ITM2A: variants seen among roughly 807,000 people sequenced by gnomAD.
ITM2A encodes BRICHOS domain containing 2A.
In ITM2A, 11 loss-of-function variants were observed where a neutral mutation model predicts 16.6. The ratio of observed to expected loss-of-function variants is 0.66; its 90% CI spans 0.42 to 1.10. ITM2A has a LOEUF of 1.10. Among genes scored for constraint, ITM2A ranks in the 50% least tolerant of loss-of-function variants. The pLI is 0.00. For missense variants in ITM2A, 243 were observed against 206.8 expected, an observed-to-expected ratio of 1.17 and a Z score of -1.07; for synonymous variants, 102 against 71.2, an observed-to-expected ratio of 1.43 and a Z score of -2.18.
At chrX:79,363,192 T>C (rs919029738) in intron 2 of ITM2A, 53 bp from the exon 3 acceptor site, 1 of 989,386 alleles carries the variant, frequency 1.0e-6, no homozygotes, top group Non-Finnish European at 1.4e-6. Context: ...TATCATGATA[T>C]TTGAATGGCT....
intron 4 of ITM2A, among the ~76,000 whole-genome samples, chrX:79,361,862 AT>A (rs77763322): frequency 0.12 from 11,033 of 91,220 alleles, 543 homozygotes; most frequent in South Asian, 0.27. Flanking sequence ...TTTTTTTGTG[AT>A]TTTTTTTTTT....
chrX:79,360,847 A>G lies in ITM2A; in HGVS notation c.*242T>C. ...TGCTGCTTTCAGAAATCTAAACCCT[A>G]TAAATTCAAAGAAAAAATGAAACTC... On this transcript the variant is annotated 3_prime_UTR_variant, in exon 6 of 6. Transcript: ENST00000373298. 1 of 229,697 alleles carries G rather than the reference A, an allele frequency of 4.4e-6. No individual in the cohort carries two copies. The highest frequency in any genetic ancestry group is 7.8e-6 in the Non-Finnish European group (1 of 128,803). The allele number at this position is 229,697 out of a possible 1,213,427, so 18.9% of individuals were successfully genotyped here.
chrX:79,363,095 A>G lies in ITM2A; in HGVS notation c.288T>C (p.Asp96=). 2 of 1,209,858 alleles carry G rather than the reference A, an allele frequency of 1.7e-6. No homozygotes were observed. Among genetic ancestry groups the G allele is most frequent in the Non-Finnish European group, 2.2e-6 (2 of 894,449 alleles). The change falls in exon 3 of 6, where the codon GAT becomes GAC. Residue 96 remains aspartate, a synonymous_variant. Coordinates refer to ENST00000373298, the MANE Select transcript of ITM2A (RefSeq NM_004867.5). ...CTCCTCCACGAAGGGAATTTGCAGGATCCTCAGAATCAAAAAAGCACATCT... is the reference window on the plus strand; with the variant it reads ...CTCCTCCACGAAGGGAATTTGCAGGGTCCTCAGAATCAAAAAAGCACATCT... ...RGEMCFFDSE[D]PANSLRGGEP... is the part of the protein sequence containing the mutation.
rs1460394309 is a variant in ITM2A at position 79,360,943 on chromosome X, G to C, written c.*146C>G. The C allele has an allele frequency of 1.2e-5, 3 of 255,116 alleles. No individual in the cohort carries two copies. The Admixed American group carries it at 2.8e-4, about 23-fold the overall frequency. 21.0% of individuals were successfully genotyped at this position (255,116 alleles called of 1,213,427 possible). On this transcript the variant is annotated 3_prime_UTR_variant, in exon 6 of 6. Coordinates refer to ENST00000373298, the MANE Select transcript of ITM2A (RefSeq NM_004867.5). ...ATTTGACAAGAGCTTGCAGTGGTTA[G>C]TAGTTTTTTTTTTTCCTTTTTTTAA...
intron 1 of ITM2A, among the ~76,000 whole-genome samples, chrX:79,366,091 G>A (rs1223443991): frequency 1.8e-5 from 2 of 111,726 alleles, no homozygotes; most frequent in Admixed American, 1.9e-4. Flanking sequence ...CATAGAACAC[G>A]AAGACAATAC....
chrX:79,361,290 G>A (rs3747363), intron 5 of ITM2A, 39 bp downstream of exon 5: 78,723 of 1,166,133 alleles, frequency 0.068, 9,742 homozygotes, highest in African/African-American at 0.48. Context: ...CTTCCACTGT[G>A]TAACACAGGG....
chrX:79,366,346 C>G (rs1379714489), intron 1 of ITM2A, among the ~76,000 whole-genome samples: 1 of 111,033 alleles, frequency 9.0e-6, no homozygotes, highest in Non-Finnish European at 1.9e-5. Context: ...TGAAAAGTAT[C>G]CTCAAATTTA....
chrX:79,367,241 G>A lies in ITM2A; in HGVS notation c.-26C>T, dbSNP rs1196191102. The A allele has an allele frequency of 2.8e-5, 30 of 1,068,660 alleles. No homozygotes were observed. Among genetic ancestry groups the A allele is most frequent in the Non-Finnish European group, 3.7e-5 (29 of 775,690 alleles). 88.1% of individuals were successfully genotyped at this position (1,068,660 alleles called of 1,213,427 possible). ...AGTGAATCTTCGGGCTGCGCGGTAA[G>A]GCGCTGCTGGAATCAGCGTCCTGGG... On this transcript the variant is annotated 5_prime_UTR_variant, in exon 1 of 6. Transcript: ENST00000373298.
At chrX:79,363,886 C>T (rs964848626) in intron 1 of ITM2A, among the ~76,000 whole-genome samples, 7 of 111,575 alleles carry the variant, frequency 6.3e-5, no homozygotes, top group East Asian at 2.8e-4. Flanking sequence ...ACACTTAACA[C>T]GACATTGACT....
chrX:79,364,726 T>C (rs1407074313), intron 1 of ITM2A, among the ~76,000 whole-genome samples: 1 of 112,138 alleles, frequency 8.9e-6, no homozygotes, highest in East Asian at 2.8e-4. Context: ...CTTAAATTCA[T>C]TTGGTGAAAA....
chrX:79,362,610 T>G lies in ITM2A; in HGVS notation c.523A>C (p.Asn175His). 1.7e-6 allele frequency: 2 copies of G among 1,199,614 alleles called. No individual in the cohort carries two copies. The highest frequency in any genetic ancestry group is 2.3e-6 in the Non-Finnish European group (2 of 888,503). ...LNTSIVMPPK[N>H]LVELFGKLAS... ...AGTTTGCCAAAGAGCTCTACCAGAT[T>G]TTTTGGAGGCATAACAATAGAAGTA... The change falls in exon 4 of 6, where the codon AAT (asparagine) becomes CAT (histidine). Residue 175 changes from asparagine to histidine, a missense_variant. Physicochemically the swap from Asn to His is moderately conservative, Grantham distance 68 (BLOSUM62 1). Transcript: ENST00000373298.
At chrX:79,365,961 A>C (rs890245562) in intron 1 of ITM2A, among the ~76,000 whole-genome samples, 1 of 112,404 alleles carries the variant, frequency 8.9e-6, no homozygotes, top group Non-Finnish European at 1.9e-5. Context: ...CTTTTACTAC[A>C]TGGATTCTCA....
intron 1 of ITM2A, among the ~76,000 whole-genome samples, chrX:79,366,356 A>G: frequency 9.0e-6 from 1 of 111,673 alleles, no homozygotes; most frequent in South Asian, 3.8e-4. Flanking sequence ...CCTCAAATTT[A>G]TTTTTACAAG....
intron 1 of ITM2A, among the ~76,000 whole-genome samples, chrX:79,364,777 C>T (rs1446432106): frequency 9.0e-6 from 1 of 111,343 alleles, no homozygotes; most frequent in Non-Finnish European, 1.9e-5. Context: ...GATGAAAGGA[C>T]AATCATTTGT....
intron 3 of ITM2A, 45 bp from the exon 4 acceptor site, chrX:79,362,736 A>G: frequency 1.1e-6 from 1 of 940,685 alleles, no homozygotes; most frequent in Non-Finnish European, 1.5e-6. Context: ...AGAAGGCATT[A>G]ACATTGCGAA....
chrX:79,362,489 T>C, intron 4 of ITM2A, 92 bp downstream of exon 4: 2 of 457,563 alleles, frequency 4.4e-6, no homozygotes, highest in South Asian at 1.0e-4. Flanking sequence ...TAAAATAAAA[T>C]GTTTTGGACA....
At chrX:79,362,921 T>C in intron 3 of ITM2A, 21 bp downstream of exon 3, 3 of 1,145,128 alleles carry the variant, frequency 2.6e-6, no homozygotes, top group Non-Finnish European at 3.6e-6. Context: ...CCTGGAATAT[T>C]TATAAGAATG....
At chrX:79,361,854 T>C (rs1192668199) in intron 4 of ITM2A, among the ~76,000 whole-genome samples, 1 of 48,227 alleles carries the variant, frequency 2.1e-5, no homozygotes, top group African/African-American at 8.5e-5. Context: ...TCTTGTTTTT[T>C]TTTTGTGATT....
chrX:79,361,079 C>T lies in ITM2A; in HGVS notation c.*10G>A, dbSNP rs972086963. On this transcript the variant is annotated 3_prime_UTR_variant, in exon 6 of 6. Transcript: ENST00000373298. ...CTTCTTATTACCAAGGACACTCTAT[C>T]TGTTGCCTCTTACTCTTGACAGATC... is the stretch of plus-strand genomic sequence containing the variant. 1.1e-5 allele frequency: 12 copies of T among 1,092,134 alleles called. No homozygotes were observed. The highest frequency in any genetic ancestry group is 1.5e-5 in the Non-Finnish European group (12 of 792,626). The allele number at this position is 1,092,134 out of a possible 1,213,427, so 90.0% of individuals were successfully genotyped here. A position where few individuals can be genotyped will look rare whatever the true frequency, so the allele number is the denominator to read the frequency against.
Sources: allele counts gnomAD v4.1 joint callset (sites outside exome capture counted in the v4.1 genomes callset), GRCh38; gene constraint gnomAD v4.1.1; transcripts MANE v1.5; gene names NCBI Gene and HGNC (gene_info 2026-07-23, HGNC 2026-07-21).